PCDH15: variants seen among roughly 807,000 people sequenced by gnomAD.
The protein encoded by PCDH15 is protocadherin-15.
In PCDH15, 129 loss-of-function variants were observed where a neutral mutation model predicts 178.5. The ratio of observed to expected loss-of-function variants is 0.72; its 90% confidence interval spans 0.63 to 0.84. PCDH15 has a LOEUF of 0.84. Among genes scored for constraint, PCDH15 ranks in the 40% least tolerant of loss-of-function variants. The pLI is 0.00. For missense variants in PCDH15, 2,230 were observed against 2,099.9 expected, an observed-to-expected ratio of 1.06 and a Z score of -1.21; for synonymous variants, 800 against 732.0, an observed-to-expected ratio of 1.09 and a Z score of -1.50.
At chr10:54,149,738 C>T (rs1242767251) in intron 14 of PCDH15, among the ~76,000 whole-genome samples, 2 of 152,110 alleles carry the variant, frequency 1.3e-5, no homozygotes. Context: ...ACCAGGATCA[C>T]CCAGGCTATT....
intron 1 of PCDH15, among the ~76,000 whole-genome samples, chr10:54,731,505 A>G (rs765910378): frequency 2.8e-4 from 40 of 141,860 alleles, no homozygotes; most frequent in Non-Finnish European, 5.3e-4. Context: ...TTATGGAATC[A>G]ACCAAAGTGC....
intron 1 of PCDH15, among the ~76,000 whole-genome samples, chr10:55,217,385 G>A (rs1374250753): frequency 6.6e-5 from 10 of 151,860 alleles, no homozygotes; most frequent in South Asian, 6.2e-4. Flanking sequence ...CTGAGTGTAC[G>A]TTGCTTGGTC....
rs889627438 is a variant in PCDH15, at chr10:54,321,293, A to G, written c.706-3852T>C. Among the ~76,000 whole-genome samples, 4 of 150,540 alleles carry G rather than the reference A, an allele frequency of 2.7e-5. No individual in the cohort carries two copies. In the East Asian group the frequency reaches 5.8e-4, roughly 22 times the overall value. On this transcript the variant is annotated intron_variant, in intron 7 of 37. Transcript: ENST00000644397. ...ATCCTCGCACCTCAGCCTTCTGAGT[A>G]GCTAGGACTATAGGTATGTGCCTGG... is the stretch of plus-strand genomic sequence containing the variant.
Position 54,977,230 on chromosome 10 carries a change from A to G in PCDH15, c.-79-79730T>C, listed in dbSNP as rs112118398. Among the ~76,000 whole-genome samples, 787 of 152,266 alleles carry G rather than the reference A, an allele frequency of 5.2e-3. 4 individuals carry two copies. The highest frequency in any genetic ancestry group is 6.9e-3 in the Non-Finnish European group (470 of 68,018). On this transcript the variant is annotated intron_variant, in intron 2 of 5. Coordinates refer to the PCDH15 transcript ENST00000458638. ...GACTGACACTTGCTGGGCTGCATTC[A>G]TAGGAGATTAGGCATTCTTACAAGA...
chr10:54,515,998 C>T (rs572092689), intron 3 of PCDH15, among the ~76,000 whole-genome samples: 2 of 152,294 alleles, frequency 1.3e-5, no homozygotes, highest in South Asian at 2.1e-4. Context: ...TCCATCCGTA[C>T]ATCACCATCA....
At chr10:55,093,281 C>T (rs920365650) in intron 2 of PCDH15, among the ~76,000 whole-genome samples, 5 of 151,752 alleles carry the variant, frequency 3.3e-5, no homozygotes, top group Admixed American at 6.6e-5. Context: ...TAATGTGTCA[C>T]AAATTGTAAT....
chr10:54,902,732 C>CAG (rs1954657503), intron 2 of PCDH15, among the ~76,000 whole-genome samples: 1 of 152,132 alleles, frequency 6.6e-6, no homozygotes, highest in African/African-American at 2.4e-5. Flanking sequence ...TTTGCTCTCT[C>CAG]CCCCAAATGG....
intron 11 of PCDH15, among the ~76,000 whole-genome samples, chr10:54,187,880 T>A (rs184051159): frequency 6.6e-6 from 1 of 151,942 alleles, no homozygotes; most frequent in East Asian, 1.9e-4. Flanking sequence ...GTTCAACAAA[T>A]TGTCACTCAA....
intron 2 of PCDH15, among the ~76,000 whole-genome samples, chr10:54,934,625 TTGG>T (rs1315293449): frequency 6.6e-6 from 1 of 151,168 alleles, no homozygotes; most frequent in Non-Finnish European, 1.5e-5. Context: ...TTTTACACTG[TTGG>T]TGGGACTGTA....
chr10:55,068,500 G>T (rs975501895), intron 2 of PCDH15, among the ~76,000 whole-genome samples: 3 of 152,056 alleles, frequency 2.0e-5, no homozygotes, highest in Non-Finnish European at 4.4e-5. Context: ...CCATAGGCGT[G>T]CACTATGCTT....
In PCDH15 at chr10:54,401,240, T is replaced by C. The variant is rs183468144; in HGVS notation, c.158-22298A>G. Among the ~76,000 whole-genome samples, 371 of 152,064 alleles carry C rather than the reference T, an allele frequency of 2.4e-3. 2 individuals carry two copies. Among genetic ancestry groups the C allele is most frequent in the Non-Finnish European group, 4.4e-3 (298 of 67,894 alleles). ...CACTTTCTGTAAAGGCTTTTCTTTGTTATTGTCATAGCATTACAGAATATT... is the reference window on the plus strand; with the variant it reads ...CACTTTCTGTAAAGGCTTTTCTTTGCTATTGTCATAGCATTACAGAATATT... On this transcript the variant is annotated intron_variant, in intron 3 of 37. Transcript: ENST00000644397.
At chr10:53,898,772 G>C (rs1406201838) in intron 26 of PCDH15, among the ~76,000 whole-genome samples, 1 of 152,078 alleles carries the variant, frequency 6.6e-6, no homozygotes, top group Non-Finnish European at 1.5e-5. Flanking sequence ...AAAGGTAACA[G>C]GACAGGCATG....
At chr10:54,135,060 C>A (rs542122001) in intron 14 of PCDH15, among the ~76,000 whole-genome samples, 3 of 151,336 alleles carry the variant, frequency 2.0e-5, no homozygotes, top group Admixed American at 6.6e-5. Context: ...CAAAAATTAG[C>A]CAGGCATGGT....
At position 54,236,380 on chromosome 10, in the gene PCDH15, C is replaced by CT. The variant is rs531061782; in HGVS notation, c.985+442dup. Among the ~76,000 whole-genome samples, 333 of 148,036 alleles carry CT rather than the reference C, an allele frequency of 2.2e-3. 1 individual carries two copies. Among genetic ancestry groups the CT allele is most frequent in the African/African-American group, 6.3e-3 (255 of 40,592 alleles). ...CCTTGGGCTAATCGTGCTCTCTCAC[C>CT]TTTTTTTTTTAAATGGCTCCAAAAT... On this transcript the variant is annotated intron_variant, in intron 9 of 37. Transcript: ENST00000644397.
At chr10:55,134,314 A>G (rs1258222463) in intron 2 of PCDH15, among the ~76,000 whole-genome samples, 1 of 152,136 alleles carries the variant, frequency 6.6e-6, no homozygotes, top group Non-Finnish European at 1.5e-5. Flanking sequence ...CTGCTACTTA[A>G]AATATTTGCC....
intron 2 of PCDH15, among the ~76,000 whole-genome samples, chr10:55,417,240 T>C (rs1838505186): frequency 6.6e-6 from 1 of 151,702 alleles, no homozygotes; most frequent in South Asian, 2.1e-4. Context: ...GAGATTGAGA[T>C]CTTGTGGCCC....
rs546433375 is a variant in PCDH15 at position 55,058,700 on chromosome 10, C to T, written c.-80+107876G>A. 3.3e-4 allele frequency among the ~76,000 whole-genome samples: 50 copies of T among 152,136 alleles called. No individual in the cohort carries two copies. In the South Asian group the frequency reaches 6.4e-3, roughly 20 times the overall value. On this transcript the variant is annotated intron_variant, in intron 2 of 5. Transcript: ENST00000458638. ...TTCGTACTAATGTTATCATATTTGGCAGGTCTGAAAATGGAAATATTCTCT... is the reference window on the plus strand; with the variant it reads ...TTCGTACTAATGTTATCATATTTGGTAGGTCTGAAAATGGAAATATTCTCT...
intron 2 of PCDH15, among the ~76,000 whole-genome samples, chr10:55,491,735 A>G (rs1055263655): frequency 6.6e-6 from 1 of 151,044 alleles, no homozygotes; most frequent in Admixed American, 6.6e-5. Flanking sequence ...AGAATTTGTA[A>G]AAGTCTTGGT....
In PCDH15 at chr10:54,153,289, G is replaced by A. The variant is rs987037497; in HGVS notation, c.1595C>T (p.Thr532Ile). 2 of 1,613,746 alleles carry A rather than the reference G, an allele frequency of 1.2e-6. No homozygotes were observed. Among genetic ancestry groups the A allele is most frequent in the Non-Finnish European group, 1.7e-6 (2 of 1,179,806 alleles). Residue 532 changes from threonine (T) to isoleucine (I), a missense_variant, in exon 14 of 38, where the codon ACT (threonine) becomes ATT (isoleucine). Transcript: ENST00000644397. Reference sequence around the variant, plus strand: ...TGACCCTTCGTCTGCGTCGACTGCAGTGAGCTGGAATTGAAAATCACAACA... The same window carrying A: ...TGACCCTTCGTCTGCGTCGACTGCAATGAGCTGGAATTGAAAATCACAACA... Reference protein sequence around the residue: ...MRPGDSVIQLTAVDADEGSNG... With the variant: ...MRPGDSVIQLIAVDADEGSNG...
Sources: gnomAD v4.1 joint callset for allele counts (sites outside exome capture counted in the v4.1 genomes callset) on GRCh38, gnomAD v4.1.1 for gene constraint, MANE v1.5 for transcripts, NCBI Gene and HGNC (gene_info 2026-07-23, HGNC 2026-07-21) for gene names.